Variants in ENOX2 observed in about 807,000 individuals in gnomAD.
ENOX2 encodes the protein ecto-NOX disulfide-thiol exchanger 2.
A neutral mutation model predicts 45.0 loss-of-function variants in ENOX2; 36 were observed. That is an observed-to-expected ratio of 0.80 (90% CI 0.61 to 1.06). The LOEUF is 1.06. ENOX2 is among the 50% of genes least tolerant of loss of function. The pLI is 0.00. For synonymous variants in ENOX2, 174 were observed against 152.3 expected (o/e 1.14, Z -1.05); for missense variants, 423 against 462.5 (o/e 0.91, Z 0.78).
chrX:130,725,016 C>G (rs924912722), intron 3 of ENOX2, among the ~76,000 whole-genome samples: 1 of 111,235 alleles, frequency 9.0e-6, no homozygotes, highest in Non-Finnish European at 1.9e-5. Context: ...ATCCTCCTAC[C>G]CATAGCTGCA....
At chrX:130,719,764 G>C (rs1488528794) in intron 3 of ENOX2, among the ~76,000 whole-genome samples, 2 of 112,514 alleles carry the variant, frequency 1.8e-5, no homozygotes, top group East Asian at 5.6e-4. Context: ...CATTAATAAA[G>C]CTGAGTGATA....
intron 3 of ENOX2, among the ~76,000 whole-genome samples, chrX:130,704,704 A>G (rs2037992712): frequency 8.9e-6 from 1 of 112,216 alleles, no homozygotes; most frequent in Admixed American, 9.4e-5. Context: ...GCAAATGTAA[A>G]TGTCTAAAAA....
intron 3 of ENOX2, among the ~76,000 whole-genome samples, chrX:130,715,079 T>C (rs1438489691): frequency 8.9e-6 from 1 of 112,092 alleles, no homozygotes; most frequent in South Asian, 3.8e-4. Context: ...ATCAATTTCC[T>C]TATCATTTCT....
At chrX:130,758,369 A>C (rs1310569909) in intron 3 of ENOX2, among the ~76,000 whole-genome samples, 1 of 112,329 alleles carries the variant, frequency 8.9e-6, no homozygotes, top group East Asian at 2.8e-4. Context: ...ATGGAATCAT[A>C]CAGCATGTAA....
intron 2 of ENOX2, among the ~76,000 whole-genome samples, chrX:130,807,725 C>T (rs2077328149): frequency 1.8e-5 from 2 of 111,703 alleles, no homozygotes; most frequent in South Asian, 7.5e-4. Flanking sequence ...GCTTAAGTGG[C>T]AATAGGTTGT....
chrX:130,881,016 G>A (rs1569331528), intron 2 of ENOX2, among the ~76,000 whole-genome samples: 1 of 112,423 alleles, frequency 8.9e-6, no homozygotes, highest in East Asian at 2.8e-4. Flanking sequence ...ATCTAGACCT[G>A]TAAGAGAATT....
intron 3 of ENOX2, among the ~76,000 whole-genome samples, chrX:130,774,569 TTAG>T (rs1331510609): frequency 8.9e-6 from 1 of 112,200 alleles, no homozygotes; most frequent in Non-Finnish European, 1.9e-5. Context: ...GTATTAGCTA[TTAG>T]TAGTAGTAGT....
intron 3 of ENOX2, among the ~76,000 whole-genome samples, chrX:130,753,155 T>C (rs971398207): frequency 9.0e-5 from 10 of 111,128 alleles, no homozygotes; most frequent in African/African-American, 2.9e-4. Context: ...TCTCCTTCTG[T>C]CTCTCTTTAG....
rs1023403987 is a variant in ENOX2, at chrX:130,622,395, A to C, written c.*2919T>G. On this transcript the variant is annotated 3_prime_UTR_variant, in exon 15 of 15. Coordinates refer to ENST00000394363, the MANE Select transcript of ENOX2 (RefSeq NM_006375.4). ...TACATTTTGGGGCCAAAATTAAAAAAAAACTCTATATAACTTGAATGCAGA... is the reference window on the plus strand; with the variant it reads ...TACATTTTGGGGCCAAAATTAAAAACAAACTCTATATAACTTGAATGCAGA... Among the ~76,000 whole-genome samples the C allele has an allele frequency of 1.1e-4, 12 of 112,159 alleles. No homozygotes were observed. The highest frequency in any genetic ancestry group is 4.6e-3 in the Middle Eastern group (1 of 219).
chrX:130,674,868 G>A (rs1358992492), intron 6 of ENOX2, among the ~76,000 whole-genome samples: 2 of 96,321 alleles, frequency 2.1e-5, no homozygotes, highest in East Asian at 6.5e-4. Context: ...AACATGCGGT[G>A]TTTGGTTTTT....
intron 2 of ENOX2, among the ~76,000 whole-genome samples, chrX:130,798,247 T>A (rs1251108131): frequency 8.9e-6 from 1 of 111,743 alleles, no homozygotes; most frequent in Non-Finnish European, 1.9e-5. Flanking sequence ...AAGACGTCCA[T>A]CTCTACAAAA....
At chrX:130,742,956 A>G (rs780050556) in intron 3 of ENOX2, among the ~76,000 whole-genome samples, 24 of 112,505 alleles carry the variant, frequency 2.1e-4, no homozygotes, top group African/African-American at 7.4e-4. Context: ...AGCTGACTGT[A>G]GCTTTCCTGA....
chrX:130,824,206 A>G (rs1343388896), intron 2 of ENOX2, among the ~76,000 whole-genome samples: 1 of 111,782 alleles, frequency 8.9e-6, no homozygotes, highest in Admixed American at 9.5e-5. Context: ...TTTATTGCAG[A>G]AAAAAACACA....
chrX:130,718,339 G>C (rs1184845155), intron 3 of ENOX2, among the ~76,000 whole-genome samples: 1 of 111,916 alleles, frequency 8.9e-6, no homozygotes, highest in Admixed American at 9.5e-5. Context: ...ACAGAGCAGG[G>C]TGACGGAGCT....
rs1448877532 is a variant in ENOX2, at chrX:130,667,663, A to G, written c.774T>C (p.Asn258=). The G allele has an allele frequency of 1.7e-6, 2 of 1,211,199 alleles. No individual in the cohort carries two copies. The highest frequency in any genetic ancestry group is 4.3e-5 in the Admixed American group (2 of 46,090). The change falls in exon 8 of 15, where the codon AAT becomes AAC. Residue 258 remains asparagine (N), a synonymous_variant. Coordinates refer to ENST00000394363, the MANE Select transcript of ENOX2 (RefSeq NM_006375.4). The stretch of plus-strand genomic sequence containing the variant: ...CCGACTGGATCATGGAGTAGAAGTT[A>G]TTGGCGCTACGACGGTTGACCTCTC... ...ERGEVNRRSA[N]NFYSMIQSAN...
At chrX:130,804,756 C>G (rs982437954) in intron 2 of ENOX2, among the ~76,000 whole-genome samples, 1 of 111,759 alleles carries the variant, frequency 8.9e-6, no homozygotes. Flanking sequence ...ATACATTTCT[C>G]AACTCAATTT....
chrX:130,750,556 C>T (rs12011281), intron 3 of ENOX2, among the ~76,000 whole-genome samples: 36,568 of 109,948 alleles, frequency 0.33, 6,226 homozygotes, highest in African/African-American at 0.66. Context: ...GGGCTGTCAG[C>T]CTTGCTGTGA....
At chrX:130,855,571 T>C (rs1171653822) in intron 2 of ENOX2, among the ~76,000 whole-genome samples, 2 of 111,596 alleles carry the variant, frequency 1.8e-5, no homozygotes, top group African/African-American at 3.3e-5. Flanking sequence ...TTTTTTCAGA[T>C]AGAGACAAGC....
At chrX:130,798,632 G>A (rs1320143287) in intron 2 of ENOX2, among the ~76,000 whole-genome samples, 1 of 112,361 alleles carries the variant, frequency 8.9e-6, no homozygotes. Flanking sequence ...TATAATTACA[G>A]GATTAAGTTC....
Sources: allele counts gnomAD v4.1 joint callset (sites outside exome capture counted in the v4.1 genomes callset), GRCh38; gene constraint gnomAD v4.1.1; transcripts MANE v1.5; gene names NCBI Gene and HGNC (gene_info 2026-07-23, HGNC 2026-07-21).